The following PIGU variants were observed in gnomAD, a reference collection of about 807,000 sequenced individuals.
PIGU encodes GPI-anchor transamidase component PIGU.
PIGU carries 24 observed loss-of-function variants against 49.9 expected under a neutral mutation model. The ratio of observed to expected loss-of-function variants is 0.48; its 90% CI spans 0.35 to 0.68. The LOEUF is 0.68. Ranked by LOEUF, PIGU falls within the 30% of genes least tolerant of loss-of-function variation. PIGU has a pLI of 0.01. For synonymous variants in PIGU, 220 were observed against 205.7 expected, an observed-to-expected ratio of 1.07 and a Z score of -0.59; for missense variants, 490 against 532.6, an observed-to-expected ratio of 0.92 and a Z score of 0.79.
intron 4 of PIGU, among the ~76,000 whole-genome samples, chr20:34,640,350 A>AC (rs1413695497): frequency 6.6e-6 from 1 of 152,206 alleles, no homozygotes; most frequent in Non-Finnish European, 1.5e-5. Context: ...CAGCACAGGC[A>AC]CTATTATGGC....
chr20:34,609,461 T>C (rs1984736299), intron 7 of PIGU, among the ~76,000 whole-genome samples: 1 of 152,032 alleles, frequency 6.6e-6, no homozygotes, highest in African/African-American at 2.4e-5. Context: ...ACCTTCCGCG[T>C]TCAAGCAATT....
At chr20:34,581,428 C>G (rs1318328454) in intron 10 of PIGU, 120 bp downstream of exon 10, 5 of 1,357,220 alleles carry the variant, frequency 3.7e-6, no homozygotes, top group Non-Finnish European at 5.0e-6. Context: ...GCCTCTGCTC[C>G]CCTCCTAGTG....
intron 11 of PIGU, among the ~76,000 whole-genome samples, chr20:34,569,116 A>C (rs1982897430): frequency 6.6e-6 from 1 of 151,580 alleles, no homozygotes; most frequent in Non-Finnish European, 1.5e-5. Context: ...AGGTGGGAGG[A>C]CCTCTTGAGC....
At chr20:34,577,226 C>T (rs1983271943) in intron 10 of PIGU, among the ~76,000 whole-genome samples, 1 of 152,178 alleles carries the variant, frequency 6.6e-6, no homozygotes, top group South Asian at 2.1e-4. Context: ...AATGGAAGTT[C>T]CCTTCTCTTC....
At chr20:34,676,933 T>A in intron 1 of PIGU, 23 bp downstream of exon 1, 1 of 1,559,774 alleles carries the variant, frequency 6.4e-7, no homozygotes, top group Non-Finnish European at 8.7e-7. Context: ...GGCCTGACAG[T>A]CTGCTCGAGC....
chr20:34,618,744 A>C (rs1443348653), intron 6 of PIGU, among the ~76,000 whole-genome samples: 1 of 152,146 alleles, frequency 6.6e-6, no homozygotes, highest in Non-Finnish European at 1.5e-5. Context: ...CTAAGACTGA[A>C]CCACTGCACT....
intron 11 of PIGU, among the ~76,000 whole-genome samples, 153 bp downstream of exon 11, chr20:34,574,951 C>T (rs768107177): frequency 6.6e-6 from 1 of 152,146 alleles, no homozygotes; most frequent in African/African-American, 2.4e-5. Context: ...CTTACTTCCC[C>T]GTCCTCACTG....
chr20:34,603,964 T>C (rs750465064), intron 7 of PIGU, among the ~76,000 whole-genome samples: 2 of 151,756 alleles, frequency 1.3e-5, no homozygotes, highest in Admixed American at 6.6e-5. Context: ...TGTGGCAATC[T>C]GAAGAGGGTA....
Position 34,650,700 on chromosome 20 carries a change from C to CTTT in PIGU, c.196-5369_196-5367dup, listed in dbSNP as rs59998699. Among the ~76,000 whole-genome samples the CTTT allele has an allele frequency of 3.3e-3, 129 of 38,800 alleles. 14 individuals are homozygous for CTTT. Among genetic ancestry groups the CTTT allele is most frequent in the Non-Finnish European group, 4.2e-3 (97 of 22,826 alleles). 25.5% of individuals were successfully genotyped at this position (38,800 alleles called of 152,430 possible). A position where few individuals can be genotyped will look rare whatever the true frequency, so the allele number is the denominator to read the frequency against. On this transcript the variant is annotated intron_variant, in intron 2 of 11. Transcript: ENST00000217446. ...AATTTTTTTCCTTTTCTTTTTTTCT[C>CTTT]TTTTTTTTTTTTTTTTTTTTTTTTT...
intron 7 of PIGU, among the ~76,000 whole-genome samples, chr20:34,597,928 G>A (rs768355780): frequency 7.9e-5 from 12 of 152,124 alleles, no homozygotes; most frequent in Non-Finnish European, 1.5e-4. Flanking sequence ...ACGGTAGGCC[G>A]GGCATGGTGG....
intron 6 of PIGU, among the ~76,000 whole-genome samples, chr20:34,631,411 C>T (rs1462054494): frequency 3.3e-5 from 5 of 151,732 alleles, no homozygotes; most frequent in Non-Finnish European, 4.4e-5. Context: ...TCAGGAACAC[C>T]CTCTAGAACT....
At chr20:34,663,407 G>A (rs1039595768) in intron 1 of PIGU, among the ~76,000 whole-genome samples, 1 of 151,988 alleles carries the variant, frequency 6.6e-6, no homozygotes, top group Non-Finnish European at 1.5e-5. Flanking sequence ...AGCCCAGGAG[G>A]TCAAAGCTGC....
chr20:34,677,069 A>G lies in PIGU; in HGVS notation c.17T>C (p.Val6Ala), dbSNP rs1283337652. 3.8e-6 allele frequency: 6 copies of G among 1,565,456 alleles called. No individual in the cohort carries two copies. The East Asian group carries it at 1.4e-4, about 37-fold the overall frequency. Residue 6 changes from valine to alanine, a missense_variant, in exon 1 of 12, where the codon GTC (valine) becomes GCC (alanine). By Grantham distance (64) the Val-to-Ala change is moderately conservative (BLOSUM62 0). Coordinates refer to ENST00000217446, the MANE Select transcript of PIGU (RefSeq NM_080476.5). MAAPL[V>A]LVLVVAVTVR... Reference sequence around the variant, plus strand: ...TGTCACAGCCACCACCAGCACCAGGACCAAGGGAGCCGCCATGATAACTGG... The same window carrying G: ...TGTCACAGCCACCACCAGCACCAGGGCCAAGGGAGCCGCCATGATAACTGG...
intron 1 of PIGU, among the ~76,000 whole-genome samples, chr20:34,663,603 A>G (rs1323851614): frequency 2.0e-5 from 3 of 152,174 alleles, no homozygotes; most frequent in Non-Finnish European, 2.9e-5. Flanking sequence ...CCTATAATCA[A>G]TTTTATAATT....
rs770223213 is a variant in PIGU at position 34,616,140 on chromosome 20, C to T, written c.530-1G>A. ...AAAATAGCACTGAGGAAAGCACTGC[C>T]TGTAAAAAGAAAGAAATGTATGGAA... On this transcript the variant is annotated splice_acceptor_variant, in intron 6 of 11. Transcript: ENST00000217446. LOFTEE classifies it high-confidence loss of function. 25 of 1,612,130 alleles carry T rather than the reference C, an allele frequency of 1.6e-5. No homozygotes were observed. The highest frequency in any genetic ancestry group is 2.1e-5 in the Non-Finnish European group (25 of 1,179,222).
chr20:34,588,788 C>T (rs1296051041), intron 7 of PIGU, among the ~76,000 whole-genome samples, 181 bp from the exon 8 acceptor site: 10 of 152,196 alleles, frequency 6.6e-5, no homozygotes, highest in Non-Finnish European at 1.5e-5. Flanking sequence ...GGTGCATCCT[C>T]TGACCTCAGA....
chr20:34,620,809 C>CA (rs71194628), intron 6 of PIGU, among the ~76,000 whole-genome samples: 54,882 of 127,078 alleles, frequency 0.43, 11,773 homozygotes, highest in Non-Finnish European at 0.49. Context: ...TAAAAAAAAA[C>CA]AAAAAAAAAA....
At chr20:34,659,056 G>A (rs1455097833) in intron 1 of PIGU, among the ~76,000 whole-genome samples, 4 of 136,618 alleles carry the variant, frequency 2.9e-5, no homozygotes, top group African/African-American at 5.5e-5. Flanking sequence ...CCGGCCAGCT[G>A]CCCCGTCCGG....
At chr20:34,674,698 G>C (rs979305819) in intron 1 of PIGU, among the ~76,000 whole-genome samples, 2 of 151,770 alleles carry the variant, frequency 1.3e-5, no homozygotes, top group Non-Finnish European at 2.9e-5. Context: ...AGACCCAGAT[G>C]GGCGGATCAC....
Sources: gnomAD v4.1 joint callset for allele counts (sites outside exome capture counted in the v4.1 genomes callset) on GRCh38, gnomAD v4.1.1 for gene constraint, MANE v1.5 for transcripts, NCBI Gene and HGNC (gene_info 2026-07-23, HGNC 2026-07-21) for gene names.